Variants in PCDHGA1 observed in about 807,000 individuals in gnomAD.
The protein encoded by PCDHGA1 is protocadherin gamma-A1.
PCDHGA1 carries 32 observed loss-of-function variants against 58.0 expected under a neutral mutation model. The observed-to-expected ratio is 0.55, with a 90% CI of 0.42 to 0.74. The LOEUF (loss-of-function observed/expected upper bound fraction) is 0.74. Ranked by LOEUF, PCDHGA1 falls within the 30% of genes least tolerant of loss-of-function variation. PCDHGA1 has a pLI of 0.00. For missense variants in PCDHGA1, 1,205 were observed against 1,182.3 expected, an observed-to-expected ratio of 1.02 and a Z score of -0.28; for synonymous variants, 498 against 501.1, an observed-to-expected ratio of 0.99 and a Z score of 0.08.
chr5:141,478,700 C>T (rs1171617240), intron 1 of PCDHGA1: 2 of 1,549,172 alleles, frequency 1.3e-6, no homozygotes, highest in South Asian at 1.2e-5. Flanking sequence ...AAAGTTAGTG[C>T]CTTTGTGAGA....
At chr5:141,356,463 T>C (rs1304745110) in intron 1 of PCDHGA1, 4 of 1,613,576 alleles carry the variant, frequency 2.5e-6, no homozygotes, top group Non-Finnish European at 3.4e-6. Context: ...ATAACATCAC[T>C]GTAACTGCCA....
intron 1 of PCDHGA1, chr5:141,408,119 C>T (rs1271219465): frequency 6.8e-7 from 1 of 1,474,944 alleles, no homozygotes; most frequent in African/African-American, 1.4e-5. Flanking sequence ...CTCCTCCTGT[C>T]CTGGGCCGAA....
In PCDHGA1 at chr5:141,477,073, G is replaced by A. The variant is rs755445666; in HGVS notation, c.2422-17734G>A. The A allele has an allele frequency of 1.2e-6, 2 of 1,614,264 alleles. No homozygotes were observed. The highest frequency in any genetic ancestry group is 2.2e-5 in the East Asian group (1 of 44,882). On this transcript the variant is annotated intron_variant, in intron 1 of 3. Coordinates refer to ENST00000517417, the MANE Select transcript of PCDHGA1 (RefSeq NM_018912.3). This position sits in a 1 kb window ranked among gnomAD's most constrained non-coding sequence, Gnocchi z 4.9. ...ACTTCGAGGACACCAAACTCCATGA[G>A]ATTTACATCCAGGCCAAAGACAAGG...
At chr5:141,434,338 G>A (rs1037038534) in intron 1 of PCDHGA1, among the ~76,000 whole-genome samples, 5 of 152,086 alleles carry the variant, frequency 3.3e-5, no homozygotes, top group East Asian at 1.9e-4. Context: ...TCTTTGTGTC[G>A]GGAACAGGCC....
At chr5:141,410,195 G>C (rs769655902) in intron 1 of PCDHGA1, 1 of 1,613,966 alleles carries the variant, frequency 6.2e-7, no homozygotes, top group South Asian at 1.1e-5. Flanking sequence ...TCTGGTCTTC[G>C]CAGACAACTT....
At chr5:141,437,650 A>G in intron 1 of PCDHGA1, among the ~76,000 whole-genome samples, 1 of 152,314 alleles carries the variant, frequency 6.6e-6, no homozygotes, top group Non-Finnish European at 1.5e-5. Context: ...AAAAGCAAAC[A>G]CATAGTTTCG....
intron 1 of PCDHGA1, chr5:141,339,796 T>C: frequency 1.1e-5 from 18 of 1,614,128 alleles, no homozygotes; most frequent in Non-Finnish European, 1.4e-5. Flanking sequence ...GCTACTACGC[T>C]CAAGTGGTAT....
chr5:141,436,309 T>C (rs1228417864), intron 1 of PCDHGA1, among the ~76,000 whole-genome samples: 1 of 152,198 alleles, frequency 6.6e-6, no homozygotes, highest in Non-Finnish European at 1.5e-5. Flanking sequence ...AGAGCATGAA[T>C]AGTCAAGACT....
intron 1 of PCDHGA1, chr5:141,352,673 A>G (rs778268844): frequency 6.3e-7 from 1 of 1,575,668 alleles, no homozygotes; most frequent in Non-Finnish European, 8.6e-7. Context: ...TTCGCACGTG[A>G]GTTTCTGCAA....
chr5:141,399,721 G>C, intron 1 of PCDHGA1: 1 of 1,613,292 alleles, frequency 6.2e-7, no homozygotes, highest in Non-Finnish European at 8.5e-7. Flanking sequence ...ACAGGCCCGC[G>C]ACCAGGGCTC....
intron 1 of PCDHGA1, among the ~76,000 whole-genome samples, chr5:141,430,143 A>C (rs1451633366): frequency 2.0e-5 from 3 of 152,180 alleles, no homozygotes; most frequent in Non-Finnish European, 4.4e-5. Flanking sequence ...TCCATTCAGG[A>C]TCATTCAAGG....
intron 1 of PCDHGA1, among the ~76,000 whole-genome samples, chr5:141,380,756 T>C (rs777302606): frequency 2.0e-5 from 3 of 152,238 alleles, no homozygotes; most frequent in Non-Finnish European, 4.4e-5. Context: ...ACCAAGACAC[T>C]ATAAATTAAT....
chr5:141,377,890 C>T (rs1204585448), intron 1 of PCDHGA1: 1 of 152,090 alleles, frequency 6.6e-6, no homozygotes, highest in African/African-American at 2.4e-5. Context: ...GATAGGATCC[C>T]CCTCTGTTGC....
rs1335023784 is a variant in PCDHGA1 at position 141,490,877 on chromosome 5, C to CCAA, written c.2422-3927_2422-3925dup. 2.5e-6 allele frequency: 4 copies of CCAA among 1,613,762 alleles called. No homozygotes were observed. Among genetic ancestry groups the CCAA allele is most frequent in the Non-Finnish European group, 3.4e-6 (4 of 1,179,908 alleles). On this transcript the variant is annotated intron_variant, in intron 1 of 3. Transcript: ENST00000517417. This position sits in a 1 kb window ranked among gnomAD's most constrained non-coding sequence, Gnocchi z 5.4. ...GACTCCGGCTCTCCCCCATTGCATG[C>CCAA]CAACACATCTCTGCATGTGTTTGTC...
At chr5:141,344,663 T>C (rs1561488345) in intron 1 of PCDHGA1, 1 of 1,614,004 alleles carries the variant, frequency 6.2e-7, no homozygotes, top group Admixed American at 1.7e-5. Flanking sequence ...TTCACCAGCT[T>C]GTCCTGGTTG....
intron 1 of PCDHGA1, among the ~76,000 whole-genome samples, chr5:141,435,760 T>TTGGTGAATTC (rs2097778609): frequency 1.3e-5 from 2 of 152,172 alleles, no homozygotes; most frequent in African/African-American, 4.8e-5. Context: ...TTGATTTCTT[T>TTGGTGAATTC]TGGTGAATTC....
At chr5:141,355,082 G>A (rs1759709417) in intron 1 of PCDHGA1, 7 of 1,429,092 alleles carry the variant, frequency 4.9e-6, no homozygotes, top group East Asian at 4.7e-5. Flanking sequence ...AGCTTCAAGC[G>A]GAAGCCCTGA....
At chr5:141,494,069 C>T (rs1249076667) in intron 1 of PCDHGA1, among the ~76,000 whole-genome samples, 1 of 152,146 alleles carries the variant, frequency 6.6e-6, no homozygotes, top group Non-Finnish European at 1.5e-5. Context: ...GAGCTGGATC[C>T]CTCCCCGCTG....
chr5:141,384,284 C>T (rs1588966005), intron 1 of PCDHGA1: 1 of 1,613,854 alleles, frequency 6.2e-7, no homozygotes. Context: ...GTCTACATCG[C>T]TGAGAACAAC....
Sources: allele counts gnomAD v4.1 joint callset (sites outside exome capture counted in the v4.1 genomes callset), GRCh38; gene constraint gnomAD v4.1.1; non-coding constraint Gnocchi (gnomAD v3.1); transcripts MANE v1.5; gene names NCBI Gene and HGNC (gene_info 2026-07-23, HGNC 2026-07-21).